The following IGF2BP2 variants were observed in gnomAD, a reference collection of about 807,000 sequenced individuals.
IGF2BP2 encodes insulin-like growth factor 2 mRNA-binding protein 2.
In IGF2BP2, 17 loss-of-function variants were observed where a neutral mutation model predicts 75.8. The observed-to-expected ratio is 0.22, with a 90% CI of 0.15 to 0.34. The LOEUF (loss-of-function observed/expected upper bound fraction) is 0.34. IGF2BP2 is among the 10% of genes least tolerant of loss of function. IGF2BP2 has a pLI of 1.00. For synonymous variants in IGF2BP2, 288 were observed against 295.6 expected (o/e 0.97, Z 0.26); for missense variants, 516 against 772.4 (o/e 0.67, Z 3.93).
intron 1 of IGF2BP2, among the ~76,000 whole-genome samples, chr3:185,824,017 G>C (rs1741707663): frequency 6.6e-6 from 1 of 152,148 alleles, no homozygotes; most frequent in Non-Finnish European, 1.5e-5. Context: ...GCGGGAGGCG[G>C]GGGGACGGGC....
At position 185,816,105 on chromosome 3, in the gene IGF2BP2, C is replaced by T. The variant is rs79069088; in HGVS notation, c.239+7048G>A. Among the ~76,000 whole-genome samples, 375 of 152,270 alleles carry T rather than the reference C, an allele frequency of 2.5e-3. 1 individual carries two copies. The highest frequency in any genetic ancestry group is 8.7e-3 in the African/African-American group (362 of 41,554). ...CCTTTGCAACAGGCTGTCTGAACCC[C>T]GTGAAGAACCCACCCAGGAGATTCC... On this transcript the variant is annotated intron_variant, in intron 2 of 15. Transcript: ENST00000382199.
chr3:185,694,846 G>T (rs973061874), intron 4 of IGF2BP2, among the ~76,000 whole-genome samples: 4 of 152,202 alleles, frequency 2.6e-5, no homozygotes, highest in Admixed American at 2.6e-4. Context: ...CAGCACTCTG[G>T]GAGGCCAAGG....
chr3:185,684,509 A>G (rs1209265893), intron 7 of IGF2BP2, among the ~76,000 whole-genome samples: 1 of 151,758 alleles, frequency 6.6e-6, no homozygotes, highest in African/African-American at 2.4e-5. Context: ...GGTTCAAGAG[A>G]TTCCCCTGCC....
At chr3:185,651,599 A>C (rs1714613111) in intron 13 of IGF2BP2, among the ~76,000 whole-genome samples, 1 of 152,188 alleles carries the variant, frequency 6.6e-6, no homozygotes, top group Admixed American at 6.5e-5. Context: ...TAAGGATTGT[A>C]CTTTTATAAA....
At chr3:185,811,004 A>T (rs1051269651) in intron 2 of IGF2BP2, among the ~76,000 whole-genome samples, 1 of 152,104 alleles carries the variant, frequency 6.6e-6, no homozygotes, top group African/African-American at 2.4e-5. Flanking sequence ...TTTTTTTCAT[A>T]AACATGTATT....
intron 2 of IGF2BP2, chr3:185,716,662 C>T (rs373573949): frequency 1.9e-6 from 1 of 520,114 alleles, no homozygotes; most frequent in East Asian, 5.4e-5. Flanking sequence ...CTTGGGCTCC[C>T]TGATCTGGTT....
Position 185,665,515 on chromosome 3 carries a change from GAGA to G in IGF2BP2, c.1200+7023_1200+7025del, listed in dbSNP as rs1459257370. Among the ~76,000 whole-genome samples the G allele has an allele frequency of 9.5e-4, 121 of 127,464 alleles. 7 individuals carry two copies. The highest frequency in any genetic ancestry group is 2.5e-3 in the African/African-American group (88 of 34,672). 83.6% of individuals were successfully genotyped at this position (127,464 alleles called of 152,430 possible). A position where few individuals can be genotyped will look rare whatever the true frequency, so the allele number is the denominator to read the frequency against. ...GAAGGAGGAGGAGAAGGAGGAGGAG[GAGA>G]AGGAGGAGGAGGAGAAGGAGGAGGA... On this transcript the variant is annotated intron_variant, in intron 10 of 15. Transcript: ENST00000382199.
intron 2 of IGF2BP2, among the ~76,000 whole-genome samples, chr3:185,811,067 A>G (rs1739753042): frequency 6.6e-6 from 1 of 151,754 alleles, no homozygotes; most frequent in African/African-American, 2.4e-5. Context: ...ATATATATAC[A>G]TATTCTACAT....
chr3:185,649,674 GC>G, intron 13 of IGF2BP2, 140 bp from the exon 14 acceptor site: 1 of 1,183,312 alleles, frequency 8.5e-7, no homozygotes, highest in Non-Finnish European at 1.2e-6. Context: ...GAAGCTGCGT[GC>G]CCCAGCCTCC....
intron 2 of IGF2BP2, among the ~76,000 whole-genome samples, chr3:185,711,766 C>T (rs1724833354): frequency 6.6e-6 from 1 of 152,140 alleles, no homozygotes; most frequent in Non-Finnish European, 1.5e-5. Context: ...CCTTTCCTTG[C>T]CTAGAGCCTT....
intron 2 of IGF2BP2, among the ~76,000 whole-genome samples, chr3:185,721,563 C>G (rs1338836262): frequency 1.3e-5 from 2 of 152,098 alleles, no homozygotes; most frequent in African/African-American, 4.8e-5. Flanking sequence ...TTTAATTTTG[C>G]TACCTCCTCA....
intron 2 of IGF2BP2, among the ~76,000 whole-genome samples, chr3:185,720,235 T>G (rs1296412937): frequency 6.6e-6 from 1 of 152,242 alleles, no homozygotes; most frequent in African/African-American, 2.4e-5. Context: ...GCTATGCTGG[T>G]AAATATTTAA....
intron 9 of IGF2BP2, among the ~76,000 whole-genome samples, chr3:185,674,832 TCTTG>T (rs1456666378): frequency 2.0e-5 from 3 of 151,934 alleles, no homozygotes; most frequent in African/African-American, 7.3e-5. Context: ...TACTTTTATA[TCTTG>T]CTTTTCTTAT....
chr3:185,791,058 G>A (rs1445494263), intron 2 of IGF2BP2, among the ~76,000 whole-genome samples: 1 of 152,224 alleles, frequency 6.6e-6, no homozygotes, highest in Non-Finnish European at 1.5e-5. Context: ...AATAGCAGGA[G>A]TTTCTAGATG....
chr3:185,757,359 A>T (rs891442989), intron 2 of IGF2BP2, among the ~76,000 whole-genome samples: 2 of 152,186 alleles, frequency 1.3e-5, no homozygotes, highest in Non-Finnish European at 2.9e-5. Flanking sequence ...ATGGTGAAAA[A>T]AACTCCACAC....
At chr3:185,690,219 ACT>A (rs1172260672) in intron 5 of IGF2BP2, among the ~76,000 whole-genome samples, 1 of 151,696 alleles carries the variant, frequency 6.6e-6, no homozygotes, top group Admixed American at 6.6e-5. Context: ...CTTATCAAAA[ACT>A]CTTATAAATA....
chr3:185,807,587 A>G (rs1227816579), intron 2 of IGF2BP2, among the ~76,000 whole-genome samples: 1 of 152,222 alleles, frequency 6.6e-6, no homozygotes, highest in East Asian at 1.9e-4. Flanking sequence ...AAAAACCAAG[A>G]TGGCTCCCGA....
chr3:185,823,596 G>A (rs572123634), intron 1 of IGF2BP2, among the ~76,000 whole-genome samples: 1 of 151,878 alleles, frequency 6.6e-6, no homozygotes, highest in Non-Finnish European at 1.5e-5. Context: ...GGGCCCGAAG[G>A]CTCCACCGGG....
In IGF2BP2 at chr3:185,697,413, G is replaced by A. The variant is rs566484275; in HGVS notation, c.289-750C>T. Among the ~76,000 whole-genome samples the A allele has an allele frequency of 4.7e-3, 619 of 131,858 alleles. 7 individuals carry two copies. The highest frequency in any genetic ancestry group is 6.8e-3 in the Non-Finnish European group (396 of 58,026). 86.5% of individuals were successfully genotyped at this position (131,858 alleles called of 152,430 possible). A position where few individuals can be genotyped will look rare whatever the true frequency, so the allele number is the denominator to read the frequency against. ...GAGCCATCACGCCCAGGCAATAATC[G>A]TGTGTTTTTTTTTTTTAAAGTAATA... On this transcript the variant is annotated intron_variant, in intron 3 of 15. Transcript: ENST00000382199.
Sources: gnomAD v4.1 joint callset for allele counts (sites outside exome capture counted in the v4.1 genomes callset) on GRCh38, gnomAD v4.1.1 for gene constraint, MANE v1.5 for transcripts, NCBI Gene and HGNC (gene_info 2026-07-23, HGNC 2026-07-21) for gene names.